AGBL4: variants seen among roughly 807,000 people sequenced by gnomAD.
AGBL4 encodes AGBL carboxypeptidase 4.
AGBL4 carries 58 observed loss-of-function variants against 66.4 expected under a neutral mutation model. The observed-to-expected ratio is 0.87, with a 90% CI of 0.71 to 1.09. AGBL4 has a LOEUF of 1.09. AGBL4 is among the 50% of genes least tolerant of loss of function. The pLI is 0.00. For synonymous variants in AGBL4, 234 were observed against 222.9 expected (o/e 1.05, Z -0.44); for missense variants, 579 against 631.0 (o/e 0.92, Z 0.88).
At chr1:48,946,632 T>C (rs1265369235) in intron 5 of AGBL4, among the ~76,000 whole-genome samples, 1 of 152,212 alleles carries the variant, frequency 6.6e-6, no homozygotes, top group Non-Finnish European at 1.5e-5. Context: ...CTGTGTCGGG[T>C]TCCTTCCATA....
At chr1:49,917,203 T>A (rs773438631) in intron 1 of AGBL4, among the ~76,000 whole-genome samples, 1 of 152,056 alleles carries the variant, frequency 6.6e-6, no homozygotes. Flanking sequence ...CCAGCTAACA[T>A]CATCATGACA....
intron 3 of AGBL4, among the ~76,000 whole-genome samples, chr1:49,395,829 G>GTATACATATATATATA (rs1290729874): frequency 4.2e-5 from 3 of 71,220 alleles, no homozygotes; most frequent in African/African-American, 1.9e-4. Context: ...ATATATATAT[G>GTATACATATATATATA]TGTATATATA....
At chr1:49,943,821 G>A (rs1199051651) in intron 1 of AGBL4, among the ~76,000 whole-genome samples, 1 of 151,980 alleles carries the variant, frequency 6.6e-6, no homozygotes, top group African/African-American at 2.4e-5. Flanking sequence ...TGGTGTGCAG[G>A]CTTCACAGGC....
intron 8 of AGBL4, among the ~76,000 whole-genome samples, chr1:48,641,159 A>G (rs1645748619): frequency 6.6e-6 from 1 of 152,198 alleles, no homozygotes; most frequent in African/African-American, 2.4e-5. Flanking sequence ...CAAAAGCAAA[A>G]TAAATATTGC....
intron 6 of AGBL4, among the ~76,000 whole-genome samples, chr1:48,726,944 G>A (rs1186631452): frequency 6.6e-6 from 1 of 152,212 alleles, no homozygotes; most frequent in Non-Finnish European, 1.5e-5. Context: ...AGCCAGGCTT[G>A]GAATCTAGAC....
At chr1:49,991,726 A>T (rs2148403661) in intron 1 of AGBL4, among the ~76,000 whole-genome samples, 1 of 152,158 alleles carries the variant, frequency 6.6e-6, no homozygotes, top group Non-Finnish European at 1.5e-5. Context: ...TGATTCTTCC[A>T]TTTCTGTCAA....
At chr1:49,298,647 T>TCCCC (rs1644687452) in intron 3 of AGBL4, among the ~76,000 whole-genome samples, 1 of 137,750 alleles carries the variant, frequency 7.3e-6, no homozygotes, top group African/African-American at 2.8e-5. Context: ...CCTCCCTCCC[T>TCCCC]CCTCCTTCTT....
intron 2 of AGBL4, among the ~76,000 whole-genome samples, chr1:49,710,823 G>A (rs1474963644): frequency 6.6e-6 from 1 of 151,708 alleles, no homozygotes; most frequent in Admixed American, 6.6e-5. Context: ...ACTAACAGAA[G>A]ATACTTGTTA....
intron 8 of AGBL4, among the ~76,000 whole-genome samples, chr1:48,640,039 C>T (rs1378315743): frequency 6.6e-6 from 1 of 152,140 alleles, no homozygotes; most frequent in Admixed American, 6.5e-5. Flanking sequence ...TGCCCTGAGT[C>T]TCTGTCTCCT....
At chr1:49,169,369 T>A (rs1409378806) in intron 4 of AGBL4, among the ~76,000 whole-genome samples, 1 of 152,186 alleles carries the variant, frequency 6.6e-6, no homozygotes, top group Non-Finnish European at 1.5e-5. Context: ...CTGAATGGAT[T>A]ACATCGGTCT....
chr1:48,846,722 G>GTT (rs1305385944), intron 6 of AGBL4, among the ~76,000 whole-genome samples: 1 of 152,152 alleles, frequency 6.6e-6, no homozygotes, highest in Non-Finnish European at 1.5e-5. Context: ...AGAGTACTGT[G>GTT]TAAGAGAGGT....
chr1:48,853,837 G>A (rs1293548366), intron 6 of AGBL4, among the ~76,000 whole-genome samples: 1 of 152,064 alleles, frequency 6.6e-6, no homozygotes, highest in Non-Finnish European at 1.5e-5. Flanking sequence ...TGCCCCATAA[G>A]TGTAGAGACA....
chr1:49,282,545 G>A (rs1289883945), intron 3 of AGBL4, among the ~76,000 whole-genome samples: 3 of 152,300 alleles, frequency 2.0e-5, no homozygotes, highest in Admixed American at 6.5e-5. Flanking sequence ...GAACAGCTCC[G>A]GTCTACAGCT....
chr1:48,846,326 C>A (rs12133003), intron 6 of AGBL4, among the ~76,000 whole-genome samples: 4 of 114,786 alleles, frequency 3.5e-5, no homozygotes, highest in East Asian at 2.4e-4. Flanking sequence ...ATAGATAGAT[C>A]GATAGATAAG....
chr1:49,087,584 T>C (rs1644930664), intron 4 of AGBL4, among the ~76,000 whole-genome samples: 2 of 152,030 alleles, frequency 1.3e-5, no homozygotes, highest in Admixed American at 1.3e-4. Flanking sequence ...AAATATATGA[T>C]TACATAAAGA....
chr1:49,518,241 C>A (rs1056867044), intron 3 of AGBL4, among the ~76,000 whole-genome samples: 4 of 152,020 alleles, frequency 2.6e-5, no homozygotes, highest in Non-Finnish European at 4.4e-5. Context: ...AACCCAGGGC[C>A]TTCCTATCTA....
At position 48,935,086 on chromosome 1, in the gene AGBL4, C is replaced by T. The variant is rs1655340629; in HGVS notation, c.595-67856G>A. Among the ~76,000 whole-genome samples the T allele has an allele frequency of 2.0e-5, 3 of 152,166 alleles. No homozygotes were observed. In the South Asian group the frequency reaches 6.2e-4, roughly 32 times the overall value. On this transcript the variant is annotated intron_variant, in intron 5 of 13. Transcript: ENST00000371839. The stretch of plus-strand genomic sequence containing the variant: ...TCAATTTTGGTTATAGCCTGCTGAG[C>T]AATTAGGAAGACATGAATTTGTACC...
intron 9 of AGBL4, among the ~76,000 whole-genome samples, chr1:48,609,987 A>T (rs1035602935): frequency 3.3e-5 from 5 of 152,016 alleles, no homozygotes; most frequent in Admixed American, 6.6e-5. Flanking sequence ...CTGGACTTGA[A>T]CCCTGTTCCC....
At chr1:49,030,820 CA>C (rs34872551) in intron 5 of AGBL4, among the ~76,000 whole-genome samples, 2,336 of 61,998 alleles carry the variant, frequency 0.038, 12 homozygotes, top group Middle Eastern at 0.091. Flanking sequence ...TAAGTAGAGG[CA>C]AAAAAAAAAA....
Sources: allele counts gnomAD v4.1 joint callset (sites outside exome capture counted in the v4.1 genomes callset), GRCh38; gene constraint gnomAD v4.1.1; transcripts MANE v1.5; gene names NCBI Gene and HGNC (gene_info 2026-07-23, HGNC 2026-07-21).